The following MTCH2 variants were observed in gnomAD, a reference collection of about 807,000 sequenced individuals.
MTCH2 encodes mitochondrial carrier homolog 2.
In MTCH2, 25 loss-of-function variants were observed where a neutral mutation model predicts 50.6. The observed-to-expected ratio is 0.49, with a 90% CI of 0.36 to 0.69. The LOEUF is 0.69. Ranked by LOEUF, MTCH2 falls within the 30% of genes least tolerant of loss-of-function variation. The probability of loss-of-function intolerance (pLI) is 0.00; values close to 1 mark genes in which losing one functional copy is unlikely to be tolerated. For synonymous variants in MTCH2, 106 were observed against 132.0 expected (o/e 0.80, Z 1.35); for missense variants, 273 against 384.4 (o/e 0.71, Z 2.42).
chr11:47,606,619 C>A, the MTCH2 span, among the ~76,000 whole-genome samples: 1 of 152,212 alleles, frequency 6.6e-6, no homozygotes, highest in Non-Finnish European at 1.5e-5. Flanking sequence ...TGTCTCTAAA[C>A]TTAGAATCAT....
intron 3 of MTCH2, among the ~76,000 whole-genome samples, 145 bp downstream of exon 3, chr11:47,638,545 CAAAAAAAAA>C (rs59317101): frequency 3.8e-5 from 2 of 53,080 alleles, no homozygotes; most frequent in African/African-American, 8.5e-5. Context: ...GACTCCATCT[CAAAAAAAAA>C]AAAAAAAAAA....
chr11:47,612,904 CAT>C (rs2097286364), downstream of MTCH2, among the ~76,000 whole-genome samples: 1 of 152,040 alleles, frequency 6.6e-6, no homozygotes. Flanking sequence ...TGAGATGTCA[CAT>C]GTGACTTTTT....
At position 47,618,824 on chromosome 11, in the gene MTCH2, CCCA is replaced by C; in HGVS notation, c.*6_*8del. On this transcript the variant is annotated 3_prime_UTR_variant, in exon 13 of 13. Transcript: ENST00000302503. The stretch of plus-strand genomic sequence containing the variant: ...ACTACAGAAATGTCACTGTCCCTGC[CCCA>C]CATCTTCAAATTAACATTTTCAGGT... 1 of 1,611,384 alleles carries C rather than the reference CCCA, an allele frequency of 6.2e-7. No individual in the cohort carries two copies. Among genetic ancestry groups the C allele is most frequent in the South Asian group, 1.1e-5 (1 of 91,018 alleles).
At chr11:47,625,547 C>G (rs1297542414) in intron 11 of MTCH2, 127 bp downstream of exon 11, 13 of 715,784 alleles carry the variant, frequency 1.8e-5, no homozygotes, top group South Asian at 1.5e-4. Flanking sequence ...TTCCTCCCCC[C>G]CTTTTTAAAA....
downstream of MTCH2, among the ~76,000 whole-genome samples, chr11:47,614,589 C>CT (rs1015979738): frequency 2.6e-5 from 4 of 151,978 alleles, no homozygotes; most frequent in Admixed American, 6.6e-5. Flanking sequence ...GCCTCAGCCT[C>CT]TTTTTTTTCT....
At chr11:47,625,361 C>T (rs549725563) in intron 11 of MTCH2, among the ~76,000 whole-genome samples, 3 of 147,672 alleles carry the variant, frequency 2.0e-5, no homozygotes, top group African/African-American at 5.0e-5. Context: ...AGGTGGAGGT[C>T]GCAGTGAGCC....
intron 10 of MTCH2, among the ~76,000 whole-genome samples, chr11:47,626,674 G>A (rs1170998861): frequency 6.6e-6 from 1 of 151,372 alleles, no homozygotes; most frequent in East Asian, 2.0e-4. Flanking sequence ...GTGCAGTGGC[G>A]TGATCTCAGC....
At chr11:47,607,338 TA>T in the MTCH2 span, among the ~76,000 whole-genome samples, 1 of 152,192 alleles carries the variant, frequency 6.6e-6, no homozygotes, top group Admixed American at 6.5e-5. Flanking sequence ...CCCTTTCTAT[TA>T]AAACTGTTTC....
chr11:47,609,228 G>C, the MTCH2 span, among the ~76,000 whole-genome samples: 1 of 151,294 alleles, frequency 6.6e-6, no homozygotes, highest in Non-Finnish European at 1.5e-5. Context: ...GCCGAGGCGG[G>C]CGGATCACCT....
chr11:47,640,728 T>A (rs2097313339), intron 1 of MTCH2, among the ~76,000 whole-genome samples: 1 of 152,118 alleles, frequency 6.6e-6, no homozygotes, highest in Non-Finnish European at 1.5e-5. Context: ...AAGTAACTAT[T>A]TTTACAACTG....
At chr11:47,629,782 G>A (rs1057381462) in intron 8 of MTCH2, among the ~76,000 whole-genome samples, 4 of 151,326 alleles carry the variant, frequency 2.6e-5, no homozygotes, top group Non-Finnish European at 5.9e-5. Flanking sequence ...CACCATTTCG[G>A]TAATGATGCA....
intron 5 of MTCH2, among the ~76,000 whole-genome samples, chr11:47,632,432 C>G (rs1009180878): frequency 6.6e-6 from 1 of 151,584 alleles, no homozygotes; most frequent in Non-Finnish European, 1.5e-5. Flanking sequence ...CGGTTCACTG[C>G]AAGCTCCGCC....
intron 5 of MTCH2, among the ~76,000 whole-genome samples, chr11:47,633,849 AT>A (rs1214754921): frequency 2.0e-5 from 3 of 151,452 alleles, no homozygotes; most frequent in Non-Finnish European, 2.9e-5. Flanking sequence ...TGGAATATGT[AT>A]TTTGGATGGC....
chr11:47,611,561 C>T, the MTCH2 span, among the ~76,000 whole-genome samples: 1 of 152,198 alleles, frequency 6.6e-6, no homozygotes, highest in Non-Finnish European at 1.5e-5. Context: ...GCTGCCTTGG[C>T]GAGGCAGAGG....
intron 9 of MTCH2, among the ~76,000 whole-genome samples, chr11:47,628,181 C>T (rs2097299780): frequency 6.6e-6 from 1 of 152,136 alleles, no homozygotes; most frequent in Admixed American, 6.6e-5. Context: ...CAAGAGGCCC[C>T]ACAACTGCTG....
At chr11:47,606,256 T>G in the MTCH2 span, among the ~76,000 whole-genome samples, 1 of 152,342 alleles carries the variant, frequency 6.6e-6, no homozygotes, top group African/African-American at 2.4e-5. Flanking sequence ...GTGCTTTTCC[T>G]CGGGGGAGAA....
Position 47,638,997 on chromosome 11 carries a change from C to G in MTCH2, c.142G>C (p.Val48Leu), listed in dbSNP as rs758950134. 1.2e-6 allele frequency: 2 copies of G among 1,613,796 alleles called. No individual in the cohort carries two copies. ...TIGRNIFGRQ[V>L]CQLPGLFSYA... ...CTAAAGAGACCAGGAAGCTGACACA[C>G]TTGCCGCCCAAAAATATTTCGTCCT... The change falls in exon 2 of 13, where the codon GTG (valine) becomes CTG (leucine). Residue 48 changes from valine (V) to leucine (L), a missense_variant. Physicochemically the swap from Val to Leu is conservative, Grantham distance 32. This residue lies in a region of MTCH2 where 203 missense variants were observed against 244.3 expected (regional missense o/e 0.83). Transcript: ENST00000302503.
chr11:47,640,323 C>T (rs1245156531), intron 1 of MTCH2, among the ~76,000 whole-genome samples: 1 of 152,120 alleles, frequency 6.6e-6, no homozygotes, highest in African/African-American at 2.4e-5. Flanking sequence ...GAGCAAAACT[C>T]CATCTCAAAA....
Position 47,618,392 on chromosome 11 carries a change from T to C in MTCH2, c.*441A>G, listed in dbSNP as rs1419656847. On this transcript the variant is annotated 3_prime_UTR_variant, in exon 13 of 13. Transcript: ENST00000302503. ...CAGATTCTGGTGCATGCTACTGACA[T>C]TTTAGGGTCTACCCAAGAAAAAGTA... is the stretch of plus-strand genomic sequence containing the variant. The C allele has an allele frequency of 1.8e-5, 4 of 225,296 alleles. No individual in the cohort carries two copies. Among genetic ancestry groups the C allele is most frequent in the Non-Finnish European group, 2.6e-5 (3 of 115,466 alleles). The allele number at this position is 225,296 out of a possible 1,614,324, so 14.0% of individuals were successfully genotyped here.
Sources: allele counts gnomAD v4.1 joint callset (sites outside exome capture counted in the v4.1 genomes callset), GRCh38; gene constraint gnomAD v4.1.1; regional missense constraint gnomAD v4.1.1; transcripts MANE v1.5; gene names NCBI Gene and HGNC (gene_info 2026-07-23, HGNC 2026-07-21).